PDE1C: variants seen among roughly 807,000 people sequenced by gnomAD.
PDE1C encodes dual specificity calcium/calmodulin-dependent 3',5'-cyclic nucleotide phosphodiesterase 1C.
In PDE1C, 62 loss-of-function variants were observed where a neutral mutation model predicts 93.1. The ratio of observed to expected loss-of-function variants is 0.67; its 90% confidence interval spans 0.54 to 0.82. PDE1C has a LOEUF of 0.82. Among genes scored for constraint, PDE1C ranks in the 40% least tolerant of loss-of-function variants. The pLI, the probability that PDE1C is intolerant of heterozygous loss-of-function variation, is 0.00. For missense variants in PDE1C, 742 were observed against 884.6 expected (o/e 0.84, Z 2.04); for synonymous variants, 325 against 310.1 (o/e 1.05, Z -0.50).
chr7:32,192,466 G>A (rs967532081), intron 2 of PDE1C, among the ~76,000 whole-genome samples: 3 of 152,076 alleles, frequency 2.0e-5, no homozygotes, highest in Non-Finnish European at 4.4e-5. Context: ...CCATTGAATT[G>A]CTTTTTCATC....
the PDE1C span, among the ~76,000 whole-genome samples, chr7:31,676,105 G>A: frequency 3.3e-5 from 5 of 152,108 alleles, no homozygotes; most frequent in Non-Finnish European, 5.9e-5. Flanking sequence ...TCCGCATGAC[G>A]GTGGCCGAGA....
the PDE1C span, among the ~76,000 whole-genome samples, chr7:31,730,357 G>A: frequency 2.0e-5 from 3 of 152,014 alleles, no homozygotes; most frequent in Admixed American, 6.6e-5. Context: ...TCCCTCTGCC[G>A]TCTCCTCATT....
chr7:32,387,615 T>C (rs1433972248), intron 1 of PDE1C, among the ~76,000 whole-genome samples: 4 of 145,644 alleles, frequency 2.7e-5, no homozygotes, highest in African/African-American at 7.9e-5. Flanking sequence ...ATGGGGCGGC[T>C]GGCCAGGCGG....
the PDE1C span, among the ~76,000 whole-genome samples, chr7:31,716,937 A>C: frequency 6.6e-6 from 1 of 152,198 alleles, no homozygotes; most frequent in Non-Finnish European, 1.5e-5. Flanking sequence ...AATGAGACTG[A>C]AAAAAATGAA....
At chr7:32,194,803 T>C (rs1804501058) in intron 2 of PDE1C, among the ~76,000 whole-genome samples, 1 of 152,220 alleles carries the variant, frequency 6.6e-6, no homozygotes, top group African/African-American at 2.4e-5. Context: ...TTACATCTTC[T>C]TTTATTTTTT....
At chr7:32,282,583 CTT>C (rs367633822) in intron 1 of PDE1C, among the ~76,000 whole-genome samples, 6 of 123,702 alleles carry the variant, frequency 4.9e-5, no homozygotes, top group Non-Finnish European at 4.8e-5. Flanking sequence ...TTTATGTCTT[CTT>C]TTTTTTTTTT....
chr7:32,105,543 G>A (rs1199602728), intron 3 of PDE1C, among the ~76,000 whole-genome samples: 1 of 152,100 alleles, frequency 6.6e-6, no homozygotes, highest in East Asian at 1.9e-4. Flanking sequence ...AACATCTCTG[G>A]AGGGAGAAGG....
At chr7:31,762,889 T>C (rs1362632973) in intron 17 of PDE1C, among the ~76,000 whole-genome samples, 1 of 152,144 alleles carries the variant, frequency 6.6e-6, no homozygotes, top group African/African-American at 2.4e-5. Flanking sequence ...TATGCATCCA[T>C]AGAAAACAGA....
At chr7:31,853,706 T>C (rs1793635388) in intron 7 of PDE1C, among the ~76,000 whole-genome samples, 3 of 151,314 alleles carry the variant, frequency 2.0e-5, no homozygotes, top group Admixed American at 6.6e-5. Flanking sequence ...GTTTTCGTTT[T>C]GTTTTTGTTT....
chr7:32,061,417 A>G (rs911129037), intron 1 of PDE1C, among the ~76,000 whole-genome samples: 1 of 152,248 alleles, frequency 6.6e-6, no homozygotes, highest in Non-Finnish European at 1.5e-5. Flanking sequence ...CCAGGAGACA[A>G]GGCCCAGCCA....
chr7:31,910,727 G>A (rs1484599843), intron 2 of PDE1C, among the ~76,000 whole-genome samples: 1 of 152,182 alleles, frequency 6.6e-6, no homozygotes, highest in African/African-American at 2.4e-5. Flanking sequence ...CAGTAACTGT[G>A]TGAGCTTGAG....
intron 1 of PDE1C, among the ~76,000 whole-genome samples, chr7:32,057,415 A>G (rs1256314607): frequency 2.0e-5 from 3 of 152,240 alleles, no homozygotes. Flanking sequence ...GCACTTGTGC[A>G]CAACAGGGGA....
At chr7:31,955,372 C>A (rs1041745890) in intron 2 of PDE1C, among the ~76,000 whole-genome samples, 2 of 152,082 alleles carry the variant, frequency 1.3e-5, no homozygotes, top group African/African-American at 4.8e-5. Flanking sequence ...CTTATTCTGG[C>A]AGATAGGGAA....
chr7:32,160,977 C>T (rs556615489), intron 3 of PDE1C, among the ~76,000 whole-genome samples: 179 of 152,238 alleles, frequency 1.2e-3, no homozygotes, highest in Admixed American at 5.9e-3. Context: ...CTCTTGCTGC[C>T]GTCTCTCCCA....
At position 31,935,826 on chromosome 7, in the gene PDE1C, AAGC is replaced by A. The variant is rs1804973754; in HGVS notation, c.129-54969_129-54967del. The stretch of plus-strand genomic sequence containing the variant: ...TTATTTATCAGGGTCTAACGTCACC[AAGC>A]AGCAGCTGAAAGGAAAGGAAGACAA... On this transcript the variant is annotated intron_variant, in intron 2 of 17. Transcript: ENST00000396191. Among the ~76,000 whole-genome samples the A allele has an allele frequency of 2.0e-5, 3 of 151,682 alleles. No homozygotes were observed. In the South Asian group the frequency reaches 6.3e-4, roughly 32 times the overall value.
chr7:32,109,675 C>T (rs1798537463), intron 3 of PDE1C, among the ~76,000 whole-genome samples: 1 of 152,186 alleles, frequency 6.6e-6, no homozygotes, highest in South Asian at 2.1e-4. Context: ...TCTGGAAGGG[C>T]ACGCAGCAGA....
At chr7:32,317,609 GT>G (rs1243464064) in intron 1 of PDE1C, among the ~76,000 whole-genome samples, 1 of 151,200 alleles carries the variant, frequency 6.6e-6, no homozygotes, top group East Asian at 1.9e-4. Context: ...CATTATTAGT[GT>G]CATTTTCATC....
intron 1 of PDE1C, among the ~76,000 whole-genome samples, chr7:32,214,075 T>A (rs1806246663): frequency 6.6e-6 from 1 of 152,198 alleles, no homozygotes; most frequent in Non-Finnish European, 1.5e-5. Context: ...TGGATATGTT[T>A]GTATATATAT....
the PDE1C span, among the ~76,000 whole-genome samples, chr7:31,698,958 A>G: frequency 1.3e-5 from 2 of 152,210 alleles, no homozygotes; most frequent in Non-Finnish European, 2.9e-5. Flanking sequence ...CTCAGTCAAT[A>G]TTTATTGAGT....
Sources: gnomAD v4.1 joint callset for allele counts (sites outside exome capture counted in the v4.1 genomes callset) on GRCh38, gnomAD v4.1.1 for gene constraint, MANE v1.5 for transcripts, NCBI Gene and HGNC (gene_info 2026-07-23, HGNC 2026-07-21) for gene names.